Variants in RERE observed in about 807,000 individuals in gnomAD.
RERE encodes the protein arginine-glutamic acid dipeptide repeats protein.
A neutral mutation model predicts 146.1 loss-of-function variants in RERE; 40 were observed. That is an observed-to-expected ratio of 0.27 (90% CI 0.21 to 0.36). The LOEUF is 0.36. Ranked by LOEUF, RERE falls within the 10% of genes least tolerant of loss-of-function variation. The pLI, the probability that RERE is intolerant of heterozygous loss-of-function variation, is 1.00. For missense variants in RERE, 1,933 were observed against 2,138.7 expected (o/e 0.90, Z 1.90); for synonymous variants, 1,003 against 866.0 (o/e 1.16, Z -2.78).
chr1:8,450,872 C>A (rs903322287), intron 11 of RERE, among the ~76,000 whole-genome samples: 1 of 152,182 alleles, frequency 6.6e-6, no homozygotes, highest in African/African-American at 2.4e-5. Context: ...CTCTCAGGAA[C>A]GTGGAAAAGG....
intron 1 of RERE, chr1:8,799,450 A>G: frequency 5.1e-6 from 1 of 197,082 alleles, no homozygotes; most frequent in Admixed American, 4.6e-5. Flanking sequence ...GGTCAAGTTC[A>G]AAGAGAGGTA....
At chr1:8,476,841 A>C (rs12040962) in intron 10 of RERE, among the ~76,000 whole-genome samples, 34,995 of 152,262 alleles carry the variant, frequency 0.23, 5,699 homozygotes, top group East Asian at 0.76. Context: ...GGAACTTTCC[A>C]GTATTCAACA....
intron 1 of RERE, among the ~76,000 whole-genome samples, chr1:8,702,049 A>C (rs566595115): frequency 5.2e-4 from 79 of 151,798 alleles, no homozygotes; most frequent in Admixed American, 3.7e-3. Flanking sequence ...GTCTACTTTA[A>C]ATTTGGAGTT....
intron 4 of RERE, among the ~76,000 whole-genome samples, chr1:8,611,720 G>C (rs3850465): frequency 0.85 from 128,799 of 152,198 alleles, 54,763 homozygotes; most frequent in East Asian, 0.94. Flanking sequence ...TGAGTCCTCT[G>C]CTGCAGAGCC....
intron 1 of RERE, among the ~76,000 whole-genome samples, chr1:8,682,703 T>C (rs910531190): frequency 6.6e-6 from 1 of 152,138 alleles, no homozygotes; most frequent in South Asian, 2.1e-4. Flanking sequence ...ATGTGAAGCA[T>C]GTAATAATGT....
intron 1 of RERE, among the ~76,000 whole-genome samples, chr1:8,772,364 A>G (rs574287063): frequency 6.6e-6 from 1 of 152,322 alleles, no homozygotes; most frequent in African/African-American, 2.4e-5. Flanking sequence ...AAAATCTTAC[A>G]AAGTAAACTT....
At chr1:8,725,877 A>G (rs1639953077) in intron 1 of RERE, among the ~76,000 whole-genome samples, 1 of 152,180 alleles carries the variant, frequency 6.6e-6, no homozygotes, top group Non-Finnish European at 1.5e-5. Flanking sequence ...TGAAAGGTTC[A>G]ACATTAACAC....
chr1:8,368,366 C>T (rs747781980), intron 12 of RERE, among the ~76,000 whole-genome samples: 33 of 151,732 alleles, frequency 2.2e-4, no homozygotes, highest in Non-Finnish European at 3.4e-4. Context: ...TCCAGCTACT[C>T]GGGAGTCTGA....
At chr1:8,803,049 G>T (rs561477792) in intron 1 of RERE, among the ~76,000 whole-genome samples, 3 of 152,100 alleles carry the variant, frequency 2.0e-5, no homozygotes, top group South Asian at 2.1e-4. Context: ...TTGACAAAAA[G>T]AATTTATAAG....
At chr1:8,449,716 A>G (rs1408083234) in intron 11 of RERE, among the ~76,000 whole-genome samples, 1 of 152,204 alleles carries the variant, frequency 6.6e-6, no homozygotes, top group Non-Finnish European at 1.5e-5. Context: ...AGTCCTAAAG[A>G]CATTTATTTA....
chr1:8,594,121 T>C (rs1646527546), intron 4 of RERE, among the ~76,000 whole-genome samples: 1 of 152,182 alleles, frequency 6.6e-6, no homozygotes, highest in South Asian at 2.1e-4. Flanking sequence ...CTTTTTATTC[T>C]CACATGAGAA....
In RERE at chr1:8,776,761, C is replaced by T. The variant is rs551453861; in HGVS notation, c.-145+40399G>A. On this transcript the variant is annotated intron_variant, in intron 1 of 22. Transcript: ENST00000400908. ...TTTGAGGCAGGGTGTCACTGTCACCCAGGCTGGAGTGCAGTGGCACCATCA... is the reference window on the plus strand; with the variant it reads ...TTTGAGGCAGGGTGTCACTGTCACCTAGGCTGGAGTGCAGTGGCACCATCA... 5.3e-4 allele frequency among the ~76,000 whole-genome samples: 81 copies of T among 152,232 alleles called. 1 individual carries two copies. In the South Asian group the frequency reaches 0.016, roughly 30 times the overall value.
chr1:8,757,911 T>TACACAC (rs35913290), intron 1 of RERE, among the ~76,000 whole-genome samples: 1 of 30,130 alleles, frequency 3.3e-5, no homozygotes, highest in Non-Finnish European at 8.1e-5. Flanking sequence ...CACACATACA[T>TACACAC]ACACACACAC....
chr1:8,624,646 G>A (rs1003467871), intron 2 of RERE, among the ~76,000 whole-genome samples: 10 of 152,144 alleles, frequency 6.6e-5, no homozygotes, highest in African/African-American at 1.4e-4. Context: ...AGAAGGGGAG[G>A]AGTCCAAGGG....
At chr1:8,707,698 C>T (rs1024639305) in intron 1 of RERE, among the ~76,000 whole-genome samples, 4 of 152,284 alleles carry the variant, frequency 2.6e-5, no homozygotes, top group African/African-American at 9.6e-5. Flanking sequence ...GTCAAAATGT[C>T]AAAAGTACAC....
chr1:8,466,000 A>G lies in RERE; in HGVS notation c.1128T>C (p.Ala376=). The stretch of plus-strand genomic sequence containing the variant: ...TCACCAGGCGCTGCAGGGCTTTGCC[A>G]GCATCGTAACCGCTTTCATGCAGCT... ...LNTLHESGYD[A]GKALQRLVKK... The change falls in exon 11 of 23, where the codon GCT becomes GCC. Residue 376 remains alanine (A), a synonymous_variant. Coordinates refer to ENST00000400908, the MANE Select transcript of RERE (RefSeq NM_001042681.2). The G allele has an allele frequency of 1.2e-6, 2 of 1,611,948 alleles. No homozygotes were observed. The highest frequency in any genetic ancestry group is 1.7e-6 in the Non-Finnish European group (2 of 1,178,198).
intron 1 of RERE, among the ~76,000 whole-genome samples, chr1:8,677,425 CAA>C (rs33947474): frequency 0.016 from 1,465 of 93,648 alleles, 13 homozygotes; most frequent in African/African-American, 0.055. Context: ...GTCTCCGTCT[CAA>C]AAAAAAAAAA....
At chr1:8,751,522 G>A (rs1489307845) in intron 1 of RERE, among the ~76,000 whole-genome samples, 4 of 152,080 alleles carry the variant, frequency 2.6e-5, no homozygotes, top group South Asian at 4.1e-4. Context: ...AAACTACACC[G>A]AAGTCAAACT....
chr1:8,603,667 T>C (rs949574797), intron 4 of RERE, among the ~76,000 whole-genome samples: 1 of 152,116 alleles, frequency 6.6e-6, no homozygotes, highest in African/African-American at 2.4e-5. Flanking sequence ...TTAAGTAATA[T>C]AGAAGAACAC....
Sources: allele counts gnomAD v4.1 joint callset (sites outside exome capture counted in the v4.1 genomes callset), GRCh38; gene constraint gnomAD v4.1.1; transcripts MANE v1.5; gene names NCBI Gene and HGNC (gene_info 2026-07-23, HGNC 2026-07-21).